FBXL20: variants seen among roughly 807,000 people sequenced by gnomAD.
FBXL20 encodes the protein F-box/LRR-repeat protein 20.
A neutral mutation model predicts 64.0 loss-of-function variants in FBXL20; 11 were observed. The ratio of observed to expected loss-of-function variants is 0.17; its 90% confidence interval spans 0.11 to 0.28. FBXL20 has a LOEUF of 0.28. Ranked by LOEUF, FBXL20 falls within the 10% of genes least tolerant of loss-of-function variation. The pLI, the probability that FBXL20 is intolerant of heterozygous loss-of-function variation, is 1.00. For synonymous variants in FBXL20, 184 were observed against 189.0 expected (o/e 0.97, Z 0.22); for missense variants, 303 against 526.2 (o/e 0.58, Z 4.15).
chr17:39,285,288 C>A (rs1294846082), intron 7 of FBXL20, among the ~76,000 whole-genome samples, 190 bp downstream of exon 7: 3 of 151,960 alleles, frequency 2.0e-5, no homozygotes, highest in Non-Finnish European at 4.4e-5. Context: ...ATCCTAGTTA[C>A]CTCTAGTCAT....
chr17:39,373,163 G>T (rs1006019418), intron 1 of FBXL20, among the ~76,000 whole-genome samples: 1 of 151,936 alleles, frequency 6.6e-6, no homozygotes, highest in Non-Finnish European at 1.5e-5. Context: ...TTGTAGAGAG[G>T]AATGCCTCTT....
At chr17:39,392,834 G>A (rs773852819) in intron 1 of FBXL20, among the ~76,000 whole-genome samples, 11 of 151,132 alleles carry the variant, frequency 7.3e-5, no homozygotes, top group Non-Finnish European at 1.5e-4. Flanking sequence ...CCAACACGGT[G>A]AAATCCCATC....
chr17:39,344,677 T>A (rs1269945549), intron 1 of FBXL20, among the ~76,000 whole-genome samples: 14 of 152,030 alleles, frequency 9.2e-5, no homozygotes. Flanking sequence ...TAGTACCAGC[T>A]ACTCAGAAGA....
chr17:39,294,086 T>C (rs1278348629), intron 6 of FBXL20, among the ~76,000 whole-genome samples: 3 of 152,066 alleles, frequency 2.0e-5, no homozygotes, highest in Non-Finnish European at 2.9e-5. Flanking sequence ...TTTAGTTTTC[T>C]AGTTGTTTAC....
chr17:39,347,653 T>G (rs573095934), intron 1 of FBXL20, among the ~76,000 whole-genome samples: 1 of 152,342 alleles, frequency 6.6e-6, no homozygotes, highest in Admixed American at 6.5e-5. Context: ...CTGTTTACTC[T>G]GATGGCAGTT....
At chr17:39,351,265 G>T (rs534942682) in intron 1 of FBXL20, among the ~76,000 whole-genome samples, 1 of 151,778 alleles carries the variant, frequency 6.6e-6, no homozygotes, top group East Asian at 1.9e-4. Flanking sequence ...GAAACCGGGA[G>T]GGGGAGGTTG....
At chr17:39,401,178 G>T (rs1444106234) in intron 1 of FBXL20, among the ~76,000 whole-genome samples, 183 bp downstream of exon 1, 1 of 152,220 alleles carries the variant, frequency 6.6e-6, no homozygotes, top group Admixed American at 6.5e-5. Context: ...CCGGCGAGGG[G>T]ACTGGGGGCA....
chr17:39,263,642 A>C (rs2144336228), intron 14 of FBXL20, among the ~76,000 whole-genome samples: 1 of 152,310 alleles, frequency 6.6e-6, no homozygotes, highest in South Asian at 2.1e-4. Flanking sequence ...CAGTGTGCTA[A>C]CAAGGTGCCA....
intron 1 of FBXL20, among the ~76,000 whole-genome samples, chr17:39,357,456 A>G (rs2047753485): frequency 6.6e-6 from 1 of 151,994 alleles, no homozygotes. Flanking sequence ...CTCATTCTGT[A>G]TGTTTTCTCT....
chr17:39,282,598 G>T, intron 8 of FBXL20, 131 bp downstream of exon 8: 1 of 1,197,310 alleles, frequency 8.4e-7, no homozygotes, highest in South Asian at 1.6e-5. Context: ...TTTTTGGTAA[G>T]CATTTGTCTT....
chr17:39,357,392 A>G (rs571819272), intron 1 of FBXL20, among the ~76,000 whole-genome samples: 1 of 152,136 alleles, frequency 6.6e-6, no homozygotes, highest in South Asian at 2.1e-4. Context: ...CTGTTCCATT[A>G]ATCTATACAT....
intron 1 of FBXL20, among the ~76,000 whole-genome samples, chr17:39,370,085 T>C (rs2047900505): frequency 1.3e-5 from 2 of 151,784 alleles, no homozygotes; most frequent in African/African-American, 4.8e-5. Flanking sequence ...CCCTCTAGCC[T>C]GGACAACATA....
At chr17:39,309,520 T>C (rs955671536) in intron 2 of FBXL20, among the ~76,000 whole-genome samples, 3 of 152,108 alleles carry the variant, frequency 2.0e-5, no homozygotes, top group Non-Finnish European at 4.4e-5. Flanking sequence ...ATTTATTTAT[T>C]TAGAGACAGA....
At chr17:39,348,002 GA>G (rs572011174) in intron 1 of FBXL20, among the ~76,000 whole-genome samples, 5 of 143,514 alleles carry the variant, frequency 3.5e-5, no homozygotes, top group Admixed American at 6.9e-5. Context: ...TTTTTTAGAA[GA>G]AAAAAAAAAT....
chr17:39,296,475 G>A (rs1159813785), intron 6 of FBXL20, among the ~76,000 whole-genome samples: 1 of 147,362 alleles, frequency 6.8e-6, no homozygotes, highest in African/African-American at 2.5e-5. Flanking sequence ...CAGGAGAATT[G>A]CTTCAAGCCA....
At chr17:39,358,935 A>G (rs913679150) in intron 1 of FBXL20, among the ~76,000 whole-genome samples, 1 of 152,226 alleles carries the variant, frequency 6.6e-6, no homozygotes, top group Non-Finnish European at 1.5e-5. Flanking sequence ...TATACAAGGG[A>G]CCGATAAGCA....
intron 1 of FBXL20, among the ~76,000 whole-genome samples, chr17:39,349,662 C>T (rs186844159): frequency 2.0e-5 from 3 of 152,206 alleles, no homozygotes; most frequent in East Asian, 3.9e-4. Flanking sequence ...CAAGGCCAGG[C>T]GTAGTGGCTC....
At chr17:39,365,472 G>A (rs898271483) in intron 1 of FBXL20, among the ~76,000 whole-genome samples, 2 of 151,982 alleles carry the variant, frequency 1.3e-5, no homozygotes, top group Non-Finnish European at 2.9e-5. Flanking sequence ...AAAACATTAC[G>A]GAAGGAATAC....
At chr17:39,349,620 C>T (rs1373887335) in intron 1 of FBXL20, among the ~76,000 whole-genome samples, 1 of 151,994 alleles carries the variant, frequency 6.6e-6, no homozygotes, top group Non-Finnish European at 1.5e-5. Context: ...CCACACCTGA[C>T]CTCTTGTGAT....
Sources: gnomAD v4.1 joint callset for allele counts (sites outside exome capture counted in the v4.1 genomes callset) on GRCh38, gnomAD v4.1.1 for gene constraint, MANE v1.5 for transcripts, NCBI Gene and HGNC (gene_info 2026-07-23, HGNC 2026-07-21) for gene names.